TFAP2D: variants seen among roughly 807,000 people sequenced by gnomAD.
The protein encoded by TFAP2D is transcription factor AP-2 delta, also known as transcription factor AP-2-delta.
Under a neutral mutation model 43.6 loss-of-function variants are expected in TFAP2D, and 9 were observed. That is an observed-to-expected ratio of 0.21 (90% CI 0.12 to 0.36). TFAP2D has a LOEUF of 0.36. Among genes scored for constraint, TFAP2D ranks in the 10% least tolerant of loss-of-function variants. TFAP2D has a pLI of 1.00. For missense variants in TFAP2D, 513 were observed against 561.4 expected (o/e 0.91, Z 0.87); for synonymous variants, 256 against 224.9 (o/e 1.14, Z -1.24).
intron 7 of TFAP2D, among the ~76,000 whole-genome samples, chr6:50,757,806 T>TTATTC (rs574006027): frequency 5.8e-5 from 6 of 103,658 alleles, no homozygotes; most frequent in East Asian, 2.2e-4. Context: ...ATATATATAA[T>TTATTC]TATATATATA....
At chr6:50,735,580 A>T (rs991679132) in intron 5 of TFAP2D, among the ~76,000 whole-genome samples, 2 of 152,172 alleles carry the variant, frequency 1.3e-5, no homozygotes, top group Non-Finnish European at 2.9e-5. Context: ...ATAATTATCA[A>T]TAGTATCCAT....
chr6:50,741,443 C>T (rs1302357983), intron 5 of TFAP2D, among the ~76,000 whole-genome samples: 2 of 152,076 alleles, frequency 1.3e-5, no homozygotes, highest in Non-Finnish European at 2.9e-5. Flanking sequence ...CTCCCACTCT[C>T]CACCCTCCAG....
Position 50,715,205 on chromosome 6 carries a change from C to A in TFAP2D, c.129C>A (p.Ser43=). 1 of 1,614,106 alleles carries A rather than the reference C, an allele frequency of 6.2e-7. No homozygotes were observed. Among genetic ancestry groups the A allele is most frequent in the Non-Finnish European group, 8.5e-7 (1 of 1,180,028 alleles). The change falls in exon 2 of 8, where the codon TCC becomes TCA. Residue 43 remains serine, a synonymous_variant. Coordinates refer to ENST00000008391, the MANE Select transcript of TFAP2D (RefSeq NM_172238.4). ...VANSTVAYSS[S]SPLTYSTTGT... ...ATTCCACTGTCGCCTATTCCTCCTCCTCTCCTTTAACTTACTCCACCACCG... is the reference window on the plus strand; with the variant it reads ...ATTCCACTGTCGCCTATTCCTCCTCATCTCCTTTAACTTACTCCACCACCG...
intron 5 of TFAP2D, among the ~76,000 whole-genome samples, chr6:50,738,229 C>T (rs555819094): frequency 2.8e-4 from 42 of 151,896 alleles, no homozygotes; most frequent in Non-Finnish European, 5.4e-4. Flanking sequence ...TTTGTACTTT[C>T]GTTATTGATT....
In TFAP2D at chr6:50,728,924, T is replaced by A; in HGVS notation, c.667T>A (p.Ser223Thr). 2 of 1,614,060 alleles carry A rather than the reference T, an allele frequency of 1.2e-6. No individual in the cohort carries two copies. The highest frequency in any genetic ancestry group is 1.7e-6 in the Non-Finnish European group (2 of 1,179,930). The change falls in exon 4 of 8, where the codon TCT becomes ACT. Residue 223 changes from serine (S) to threonine (T), a missense_variant. Ser to Thr is a moderately conservative substitution (Grantham distance 58). Coordinates refer to ENST00000008391, the MANE Select transcript of TFAP2D (RefSeq NM_172238.4). ...CCCTGGCCGTTTGTCCCTTCTTAGT[T>A]CTACTTCCAAATACAAGGTGACCAT... ...SVPGRLSLLS[S>T]TSKYKVTIAE...
At chr6:50,735,967 C>G (rs1351930339) in intron 5 of TFAP2D, among the ~76,000 whole-genome samples, 1 of 152,112 alleles carries the variant, frequency 6.6e-6, no homozygotes. Context: ...AGTCATTCTT[C>G]TCATAGAGTT....
intron 7 of TFAP2D, among the ~76,000 whole-genome samples, chr6:50,755,931 G>A (rs1405411603): frequency 6.6e-6 from 1 of 151,748 alleles, no homozygotes; most frequent in Non-Finnish European, 1.5e-5. Context: ...TGTTACCTAG[G>A]TTGGAGTGCA....
chr6:50,759,969 T>A (rs1464799275), intron 7 of TFAP2D, among the ~76,000 whole-genome samples: 1 of 152,014 alleles, frequency 6.6e-6, no homozygotes, highest in Non-Finnish European at 1.5e-5. Context: ...CATAGAGCAC[T>A]AGTCAGTCCT....
intron 7 of TFAP2D, among the ~76,000 whole-genome samples, chr6:50,757,783 CTATATATATAGAATATATATAATTA>C (rs1769309111): frequency 2.8e-5 from 2 of 71,396 alleles, no homozygotes; most frequent in Non-Finnish European, 5.8e-5. Flanking sequence ...TATAATTATT[CTATATATATAGAATATATATAATTA>C]TATATATAGA....
At chr6:50,742,577 G>C (rs759433323) in intron 5 of TFAP2D, among the ~76,000 whole-genome samples, 38 of 11,514 alleles carry the variant, frequency 3.3e-3, no homozygotes, top group Non-Finnish European at 8.2e-3. Context: ...GACACACATA[G>C]ATAGATAGAT....
chr6:50,728,896 T>A lies in TFAP2D; in HGVS notation c.639T>A (p.Ser213=). The A allele has an allele frequency of 6.2e-7, 1 of 1,614,090 alleles. No homozygotes were observed. Among genetic ancestry groups the A allele is most frequent in the Non-Finnish European group, 8.5e-7 (1 of 1,179,928 alleles). The change falls in exon 4 of 8, where the codon TCT becomes TCA. Residue 213 remains serine, a synonymous_variant. Transcript: ENST00000008391. ...TCAACCCCACAGACTTATTTTGCTC[T>A]GTCCCTGGCCGTTTGTCCCTTCTTA... The part of the protein sequence containing the change: ...CVVNPTDLFC[S]VPGRLSLLSS...
intron 6 of TFAP2D, among the ~76,000 whole-genome samples, chr6:50,748,132 T>A (rs1189878217): frequency 6.6e-6 from 1 of 151,958 alleles, no homozygotes; most frequent in African/African-American, 2.4e-5. Context: ...GAGACTCCAG[T>A]CATAGCAAAC....
At chr6:50,760,345 G>C (rs1769346431) in intron 7 of TFAP2D, among the ~76,000 whole-genome samples, 1 of 151,914 alleles carries the variant, frequency 6.6e-6, no homozygotes, top group East Asian at 1.9e-4. Context: ...ATGGAATGAG[G>C]GTTGTTTAAA....
intron 5 of TFAP2D, among the ~76,000 whole-genome samples, chr6:50,744,661 C>T (rs1380435891): frequency 6.6e-6 from 1 of 152,072 alleles, no homozygotes; most frequent in Non-Finnish European, 1.5e-5. Flanking sequence ...ATGGACCCTT[C>T]GCAGGTATTT....
chr6:50,726,983 T>C (rs1225655789), intron 3 of TFAP2D, among the ~76,000 whole-genome samples: 1 of 152,196 alleles, frequency 6.6e-6, no homozygotes, highest in Non-Finnish European at 1.5e-5. Context: ...TGGATTTTAA[T>C]TTGACGATTG....
At chr6:50,770,855 T>A (rs1261215495) in intron 7 of TFAP2D, among the ~76,000 whole-genome samples, 1 of 152,200 alleles carries the variant, frequency 6.6e-6, no homozygotes, top group Non-Finnish European at 1.5e-5. Flanking sequence ...AGTTAATGGC[T>A]TTATTAAATG....
At chr6:50,745,654 A>G (rs1460507035) in intron 6 of TFAP2D, among the ~76,000 whole-genome samples, 2 of 152,194 alleles carry the variant, frequency 1.3e-5, no homozygotes, top group African/African-American at 4.8e-5. Flanking sequence ...GGAATGTGAC[A>G]GAAGATGAGG....
chr6:50,714,792 T>G (rs1364075023), intron 1 of TFAP2D, among the ~76,000 whole-genome samples: 1 of 151,962 alleles, frequency 6.6e-6, no homozygotes, highest in African/African-American at 2.4e-5. Context: ...CCTGCACAAG[T>G]TGGGCAGGGG....
At chr6:50,724,142 T>C (rs547220998) in intron 3 of TFAP2D, among the ~76,000 whole-genome samples, 43 of 151,598 alleles carry the variant, frequency 2.8e-4, no homozygotes, top group African/African-American at 9.7e-4. Context: ...GGAGGAGGGT[T>C]AGGAAGGGTG....
Sources: allele counts gnomAD v4.1 joint callset (sites outside exome capture counted in the v4.1 genomes callset), GRCh38; gene constraint gnomAD v4.1.1; transcripts MANE v1.5; gene names NCBI Gene and HGNC (gene_info 2026-07-23, HGNC 2026-07-21).